The following CNOT1 variants were observed in gnomAD, a reference collection of about 807,000 sequenced individuals.
The protein encoded by CNOT1 is CCR4-NOT transcription complex subunit 1.
Under a neutral mutation model 273.8 loss-of-function variants are expected in CNOT1, and 15 were observed. The ratio of observed to expected loss-of-function variants is 0.05; its 90% CI spans 0.04 to 0.08. CNOT1 has a LOEUF of 0.08. Among genes scored for constraint, CNOT1 ranks in the 10% least tolerant of loss-of-function variants. The pLI is 1.00. For missense variants in CNOT1, 1,644 were observed against 2,912.2 expected, an observed-to-expected ratio of 0.56 and a Z score of 10.02; for synonymous variants, 1,022 against 1,005.5, an observed-to-expected ratio of 1.02 and a Z score of -0.31.
intron 24 of CNOT1, among the ~76,000 whole-genome samples, chr16:58,550,406 TCTC>T (rs2040411423): frequency 6.6e-6 from 1 of 152,186 alleles, no homozygotes; most frequent in Non-Finnish European, 1.5e-5. Flanking sequence ...GACCTCCTCT[TCTC>T]CTCCTCAGCC....
chr16:58,605,372 G>A (rs2042639258), intron 1 of CNOT1, among the ~76,000 whole-genome samples: 1 of 151,872 alleles, frequency 6.6e-6, no homozygotes, highest in South Asian at 2.1e-4. Flanking sequence ...GTGTGGTGGT[G>A]CACACCTGTA....
rs373499141 is a variant in CNOT1 at position 58,546,454 on chromosome 16, T to C, written c.3873A>G (p.Ala1291=). The change falls in exon 29 of 49, where the codon GCA becomes GCG. Residue 1291 remains alanine, a synonymous_variant. Transcript: ENST00000317147. ...FEIEVLCKNL[A]LDINELKPGN... Reference sequence around the variant, plus strand: ...CAGGTTTTAGCTCATTGATGTCTAATGCAAGGTTCTTGCAGAGAACCTCGA... The same window carrying C: ...CAGGTTTTAGCTCATTGATGTCTAACGCAAGGTTCTTGCAGAGAACCTCGA... 42 of 1,614,022 alleles carry C rather than the reference T, an allele frequency of 2.6e-5. No individual in the cohort carries two copies. The African/African-American group carries it at 3.9e-4, about 15-fold the overall frequency.
intron 1 of CNOT1, among the ~76,000 whole-genome samples, chr16:58,604,568 G>C (rs1263927464): frequency 2.0e-5 from 3 of 147,408 alleles, no homozygotes; most frequent in East Asian, 2.0e-4. Flanking sequence ...AATCACCTGA[G>C]GTCGGGAGTT....
At chr16:58,562,880 C>A (rs917768042) in intron 16 of CNOT1, among the ~76,000 whole-genome samples, 6 of 152,104 alleles carry the variant, frequency 3.9e-5, no homozygotes, top group Non-Finnish European at 8.8e-5. Flanking sequence ...AATCTTCCCA[C>A]CTAAATTCAG....
At chr16:58,605,173 G>A (rs951791047) in intron 1 of CNOT1, among the ~76,000 whole-genome samples, 1 of 150,764 alleles carries the variant, frequency 6.6e-6, no homozygotes, top group African/African-American at 2.4e-5. Context: ...ACCAAAAATG[G>A]CTACCATTTC....
At chr16:58,560,499 A>C in intron 16 of CNOT1, 137 bp from the exon 17 acceptor site, 5 of 1,403,800 alleles carry the variant, frequency 3.6e-6, no homozygotes, top group Non-Finnish European at 4.7e-6. Context: ...GTAGCACGAT[A>C]TCAATTCACT....
intron 44 of CNOT1, 76 bp from the exon 45 acceptor site, chr16:58,526,214 G>A: frequency 1.3e-6 from 2 of 1,532,258 alleles, no homozygotes; most frequent in South Asian, 1.1e-5. Flanking sequence ...TAAGTGGTGG[G>A]ACTGTTTTTC....
chr16:58,588,072 GT>G (rs1224839259), intron 3 of CNOT1, among the ~76,000 whole-genome samples, 194 bp from the exon 4 acceptor site: 2 of 152,178 alleles, frequency 1.3e-5, no homozygotes, highest in African/African-American at 4.8e-5. Flanking sequence ...GCCAATGCAG[GT>G]GGATCACCTG....
intron 16 of CNOT1, among the ~76,000 whole-genome samples, chr16:58,563,481 AAAAAG>A (rs1156845874): frequency 6.6e-6 from 1 of 152,202 alleles, no homozygotes; most frequent in Non-Finnish European, 1.5e-5. Context: ...GCAGACCACA[AAAAAG>A]AAAAGGGAGC....
At chr16:58,527,538 A>C (rs1293924767) in intron 44 of CNOT1, among the ~76,000 whole-genome samples, 1 of 152,070 alleles carries the variant, frequency 6.6e-6, no homozygotes, top group African/African-American at 2.4e-5. Context: ...AAAATAAATA[A>C]ATAAATACAA....
chr16:58,618,866 C>T (rs1445114938), intron 1 of CNOT1, among the ~76,000 whole-genome samples: 1 of 152,054 alleles, frequency 6.6e-6, no homozygotes, highest in Non-Finnish European at 1.5e-5. Context: ...ATTTAACAGC[C>T]TTGTGTATGT....
At position 58,530,396 on chromosome 16, in the gene CNOT1, C is replaced by G. The variant is rs72790260; in HGVS notation, c.6178-49G>C. ...GTCATAATTATACTCAGCTGTTTTT[C>G]AGCCACTACAAGTCGCCCAAGCAGC... On this transcript the variant is annotated intron_variant, in intron 42 of 48. Coordinates refer to ENST00000317147, the MANE Select transcript of CNOT1 (RefSeq NM_016284.5). The G allele has an allele frequency of 1.8e-3, 2,577 of 1,429,460 alleles. 4 individuals carry two copies. Among genetic ancestry groups the G allele is most frequent in the Non-Finnish European group, 2.3e-3 (2,372 of 1,029,570 alleles). The allele number at this position is 1,429,460 out of a possible 1,614,324, so 88.5% of individuals were successfully genotyped here.
chr16:58,628,654 C>A (rs895797866), intron 1 of CNOT1, among the ~76,000 whole-genome samples: 1 of 150,232 alleles, frequency 6.7e-6, no homozygotes, highest in African/African-American at 2.5e-5. Context: ...GAGAAATCGG[C>A]AGGGTAGGTT....
rs770440081 is a variant in CNOT1, at chr16:58,547,339, C to T, written c.3640-43G>A. ...CTTTCAAAAGCGGGGAATATACCCC[C>T]CAAAATGGTATAACAAAACCAAAGA... On this transcript the variant is annotated intron_variant, in intron 26 of 48. Coordinates refer to ENST00000317147, the MANE Select transcript of CNOT1 (RefSeq NM_016284.5). This position sits in a 1 kb window ranked among gnomAD's most constrained non-coding sequence, Gnocchi z 4.0. 1.2e-6 allele frequency: 2 copies of T among 1,602,286 alleles called. No homozygotes were observed. Among genetic ancestry groups the T allele is most frequent in the South Asian group, 2.3e-5 (2 of 88,874 alleles).
intron 16 of CNOT1, 146 bp downstream of exon 16, chr16:58,574,463 A>T: frequency 3.0e-6 from 2 of 670,174 alleles, no homozygotes; most frequent in South Asian, 6.8e-5. Context: ...TCTAGTATGT[A>T]TCATAAATAG....
Position 58,558,589 on chromosome 16 carries a change from T to C in CNOT1, c.2216A>G (p.Asn739Ser). 1.2e-6 allele frequency: 2 copies of C among 1,613,166 alleles called. No individual in the cohort carries two copies. The highest frequency in any genetic ancestry group is 1.7e-6 in the Non-Finnish European group (2 of 1,179,656). Residue 739 changes from asparagine to serine, a missense_variant, in exon 18 of 49, where the codon AAT becomes AGT. This residue lies in a region of CNOT1 where 706 missense variants were observed against 1,021.2 expected (regional missense o/e 0.69). Coordinates refer to ENST00000317147, the MANE Select transcript of CNOT1 (RefSeq NM_016284.5). ...AGGGGTACTGAATGCAGAACCCAAA[T>C]TTGGAGGAAAACCCTGCATACTCTG... is the stretch of plus-strand genomic sequence containing the variant. ...HTQSMQGFPP[N>S]LGSAFSTPQS...
At position 58,547,393 on chromosome 16, in the gene CNOT1, A is replaced by G; in HGVS notation, c.3640-97T>C. The G allele has an allele frequency of 6.4e-7, 1 of 1,554,650 alleles. No individual in the cohort carries two copies. The highest frequency in any genetic ancestry group is 1.2e-5 in the South Asian group (1 of 82,316). The stretch of plus-strand genomic sequence containing the variant: ...GTATTTTGCCAAGCTTATCCCCAAA[A>G]CAGGAATCAACATAATGTCTAGTCC... On this transcript the variant is annotated intron_variant, in intron 26 of 48. Transcript: ENST00000317147. The surrounding 1 kb of genome is among the most constrained non-coding windows in gnomAD (Gnocchi z 4.0).
intron 23 of CNOT1, 68 bp from the exon 24 acceptor site, chr16:58,551,340 T>C (rs938960219): frequency 1.4e-6 from 2 of 1,450,402 alleles, no homozygotes; most frequent in African/African-American, 2.9e-5. Context: ...AATCCAATAA[T>C]GTATACAGAT....
chr16:58,536,942 C>A (rs1233910049), intron 39 of CNOT1, 47 bp downstream of exon 39: 1 of 1,600,632 alleles, frequency 6.2e-7, no homozygotes, highest in Non-Finnish European at 8.5e-7. Flanking sequence ...AGGCATCACA[C>A]CCTACTTATG....
Sources: gnomAD v4.1 joint callset for allele counts (sites outside exome capture counted in the v4.1 genomes callset) on GRCh38, gnomAD v4.1.1 for gene constraint, gnomAD v4.1.1 regional missense constraint, Gnocchi (gnomAD v3.1) non-coding constraint, MANE v1.5 for transcripts, NCBI Gene and HGNC (gene_info 2026-07-23, HGNC 2026-07-21) for gene names.